The following MUC4 variants were observed in gnomAD, a reference collection of about 807,000 sequenced individuals.
MUC4 encodes mucin 4, cell surface associated, also known as mucin-4.
In MUC4, 202 loss-of-function variants were observed where a neutral mutation model predicts 257.9. The ratio of observed to expected loss-of-function variants is 0.78; its 90% CI spans 0.70 to 0.88. The LOEUF is 0.88. Among genes scored for constraint, MUC4 ranks in the 40% least tolerant of loss-of-function variants. MUC4 has a pLI of 0.00. For missense variants in MUC4, 5,976 were observed against 6,513.7 expected (o/e 0.92, Z 2.84); for synonymous variants, 2,351 against 2,757.1 (o/e 0.85, Z 4.62).
rs774989085 is a variant in MUC4, at chr3:195,765,438, G to A, written c.13630C>T (p.Leu4544=). 1.9e-6 allele frequency: 3 copies of A among 1,612,314 alleles called. No individual in the cohort carries two copies. In the South Asian group the frequency reaches 3.3e-5, roughly 18 times the overall value. The part of the protein sequence containing the change: ...FLNSNSGLQG[L]QFYRLHREER... The stretch of plus-strand genomic sequence containing the variant: ...TCCCGGTGTAGCCTGTAGAACTGCA[G>A]CCCTTGGAGGCCTGAGGTCGGGGAT... The change falls in exon 9 of 25, where the codon CTG becomes TTG. Residue 4544 remains leucine (L), a synonymous_variant. Coordinates refer to ENST00000463781, the MANE Select transcript of MUC4 (RefSeq NM_018406.7).
chr3:195,809,141 C>T (rs1736373075), intron 1 of MUC4, among the ~76,000 whole-genome samples: 1 of 152,238 alleles, frequency 6.6e-6, no homozygotes, highest in African/African-American at 2.4e-5. Flanking sequence ...TCCATCTGTC[C>T]TTGTCTAGCC....
At chr3:195,767,624 C>CCACCACCACCATCAT (rs1721284031) in intron 7 of MUC4, among the ~76,000 whole-genome samples, 1 of 94,224 alleles carries the variant, frequency 1.1e-5, no homozygotes, top group Non-Finnish European at 2.4e-5. Flanking sequence ...ACCACCATCA[C>CCACCACCACCATCAT]CACCATCACC....
At chr3:195,766,777 C>T in intron 7 of MUC4, 26 bp from the exon 8 acceptor site, 1 of 1,606,002 alleles carries the variant, frequency 6.2e-7, no homozygotes, top group South Asian at 1.1e-5. Flanking sequence ...GACTCTCAGG[C>T]CTCTGCCGTG....
At chr3:195,767,898 T>TCACCACCATCAC (rs1721850518) in intron 7 of MUC4, among the ~76,000 whole-genome samples, 1 of 75,078 alleles carries the variant, frequency 1.3e-5, no homozygotes. Context: ...ACCACCACCA[T>TCACCACCATCAC]CACCACCATC....
Position 195,785,408 on chromosome 3 carries a change from A to T in MUC4, c.6172T>A (p.Ser2058Thr). Reference protein sequence around the residue: ...PLPVTSLSSVSTGDTTPLPVT... With the variant: ...PLPVTSLSSVTTGDTTPLPVT... ...GGAAGAGGCGTGGTGTCACCTGTGG[A>T]TACTGAGGAAAGGCTGGTGACAGGA... is the stretch of plus-strand genomic sequence containing the variant. The change falls in exon 2 of 25, where the codon TCC (serine) becomes ACC (threonine). Residue 2058 changes from serine (S) to threonine (T), a missense_variant. By Grantham distance (58) the Ser-to-Thr change is moderately conservative. This residue lies in a region of MUC4 where 85 missense variants were observed against 325.0 expected (regional missense o/e 0.26). Coordinates refer to ENST00000463781, the MANE Select transcript of MUC4 (RefSeq NM_018406.7). 6.6e-7 allele frequency: 1 copy of T among 1,510,664 alleles called. No homozygotes were observed. Among genetic ancestry groups the T allele is most frequent in the Middle Eastern group, 2.3e-4 (1 of 4,298 alleles). The allele number at this position is 1,510,664 out of a possible 1,614,324, so 93.6% of individuals were successfully genotyped here.
In MUC4 at chr3:195,754,763, TATG is replaced by T. The variant is rs1717183180; in HGVS notation, c.15169-394_15169-392del. 9.2e-5 allele frequency among the ~76,000 whole-genome samples: 14 copies of T among 152,370 alleles called. No individual in the cohort carries two copies. In the East Asian group the frequency reaches 1.2e-3, roughly 13 times the overall value. ...GTATAGATGTATGTATCCATGTATGTATGTATCCATGTATGTATGTGTGTATCC... is the reference window on the plus strand; with the variant it reads ...GTATAGATGTATGTATCCATGTATGTTATCCATGTATGTATGTGTGTATCC... On this transcript the variant is annotated intron_variant, in intron 18 of 24. Coordinates refer to ENST00000463781, the MANE Select transcript of MUC4 (RefSeq NM_018406.7).
chr3:195,789,909 T>A lies in MUC4; in HGVS notation c.1671A>T (p.Lys557Asn). 3.1e-6 allele frequency: 5 copies of A among 1,613,910 alleles called. No homozygotes were observed. The highest frequency in any genetic ancestry group is 4.2e-6 in the Non-Finnish European group (5 of 1,179,852). The stretch of plus-strand genomic sequence containing the variant: ...GTGTCTGGGCGCCTGCCCCTGTTGT[T>A]TTTGGGAGAGTTGTGCTGTGGGAGG... ...TYSSHSTTLP[K>N]TTGAGAQTQW... The change falls in exon 2 of 25, where the codon AAA becomes AAT. Residue 557 changes from lysine to asparagine, a missense_variant. By Grantham distance (94) the Lys-to-Asn change is moderately conservative. Transcript: ENST00000463781.
At chr3:195,804,978 C>T (rs897361945) in intron 1 of MUC4, among the ~76,000 whole-genome samples, 2 of 152,234 alleles carry the variant, frequency 1.3e-5, no homozygotes, top group Non-Finnish European at 2.9e-5. Flanking sequence ...TCGTACACAT[C>T]TGTGGAATAC....
Position 195,747,031 on chromosome 3 carries a change from C to T in MUC4, c.*145G>A. 1.7e-6 allele frequency: 2 copies of T among 1,186,330 alleles called. No homozygotes were observed. Among genetic ancestry groups the T allele is most frequent in the Non-Finnish European group, 1.2e-6 (1 of 829,692 alleles). 73.5% of individuals were successfully genotyped at this position (1,186,330 alleles called of 1,614,324 possible). A position where few individuals can be genotyped will look rare whatever the true frequency, so the allele number is the denominator to read the frequency against. ...GCCTATGGATAAGGTATAGTCTTGT[C>T]TTGATTCCCAGTATTCATTCTCCTT... On this transcript the variant is annotated 3_prime_UTR_variant, in exon 25 of 25. Coordinates refer to ENST00000463781, the MANE Select transcript of MUC4 (RefSeq NM_018406.7).
At chr3:195,767,621 T>C (rs868721429) in intron 7 of MUC4, among the ~76,000 whole-genome samples, 101 of 27,174 alleles carry the variant, frequency 3.7e-3, no homozygotes, top group South Asian at 0.026. Flanking sequence ...GCCACCACCA[T>C]CACCACCATC....
At position 195,765,107 on chromosome 3, in the gene MUC4, C is replaced by T; in HGVS notation, c.13814G>A (p.Gly4605Asp). The T allele has an allele frequency of 6.2e-7, 1 of 1,613,110 alleles. No individual in the cohort carries two copies. Among genetic ancestry groups the T allele is most frequent in the African/African-American group, 1.3e-5 (1 of 75,034 alleles). ...GGTGAAGCTGCACAGCTGCCTACTG[C>T]CGAGGCCCCAGCGACCTGAAACAAG... ...QPVSIGRWGLGSRQLCSFTSW... is the reference protein window; with the variant it reads ...QPVSIGRWGLDSRQLCSFTSW... Residue 4605 changes from glycine (G) to aspartate (D), a missense_variant, in exon 10 of 25, where the codon GGC becomes GAC. By Grantham distance (94) the Gly-to-Asp change is moderately conservative. This residue lies in a region of MUC4 where 996 missense variants were observed against 1,137.3 expected (regional missense o/e 0.88). Coordinates refer to ENST00000463781, the MANE Select transcript of MUC4 (RefSeq NM_018406.7).
At chr3:195,802,330 G>A (rs966248602) in intron 1 of MUC4, among the ~76,000 whole-genome samples, 12 of 147,908 alleles carry the variant, frequency 8.1e-5, no homozygotes, top group East Asian at 2.0e-4. Context: ...CATCCTCCCC[G>A]TCGCTTTGAC....
In MUC4 at chr3:195,785,514, A is replaced by C. The variant is rs1365397139; in HGVS notation, c.6066T>G (p.Leu2022=). 1 of 1,519,674 alleles carries C rather than the reference A, an allele frequency of 6.6e-7. No individual in the cohort carries two copies. Among genetic ancestry groups the C allele is most frequent in the South Asian group, 1.2e-5 (1 of 83,320 alleles). 94.1% of individuals were successfully genotyped at this position (1,519,674 alleles called of 1,614,324 possible). A position where few individuals can be genotyped will look rare whatever the true frequency, so the allele number is the denominator to read the frequency against. ...TGGTGTCACCAGTGGATGCTGAGGAAAGGCTGGTGACAGGAAGAGGGGTGG... is the reference window on the plus strand; with the variant it reads ...TGGTGTCACCAGTGGATGCTGAGGACAGGCTGGTGACAGGAAGAGGGGTGG... ...GQATPLPVTS[L]SSASTGDTTP... is the part of the protein sequence containing the mutation. Residue 2022 remains leucine (L), a synonymous_variant, in exon 2 of 25, where the codon CTT becomes CTG. Transcript: ENST00000463781.
In MUC4 at chr3:195,746,862, G is replaced by T; in HGVS notation, c.*314C>A. On this transcript the variant is annotated 3_prime_UTR_variant, in exon 25 of 25. Coordinates refer to ENST00000463781, the MANE Select transcript of MUC4 (RefSeq NM_018406.7). ...GTGCAGAAGCATTTTGCTTAACTTA[G>T]GGCCATCACCACATTATGAACTCGT... 2.2e-6 allele frequency: 1 copy of T among 444,598 alleles called. No individual in the cohort carries two copies. Among genetic ancestry groups the T allele is most frequent in the Non-Finnish European group, 4.0e-6 (1 of 251,562 alleles). The allele number at this position is 444,598 out of a possible 1,614,324, so 27.5% of individuals were successfully genotyped here.
chr3:195,774,378 A>C, intron 3 of MUC4, 73 bp from the exon 4 acceptor site: 1 of 1,462,052 alleles, frequency 6.8e-7, no homozygotes, highest in Non-Finnish European at 9.0e-7. Context: ...GGGATCCCAG[A>C]GCGCTCCCTG....
chr3:195,750,695 ACGT>A lies in MUC4; in HGVS notation c.15871+191_15871+193del, dbSNP rs1716217056. 2.1e-5 allele frequency: 13 copies of A among 611,618 alleles called. No individual in the cohort carries two copies. In the South Asian group the frequency reaches 2.6e-4, roughly 12 times the overall value. The allele number at this position is 611,618 out of a possible 1,614,324, so 37.9% of individuals were successfully genotyped here. On this transcript the variant is annotated intron_variant, in intron 23 of 24. Coordinates refer to ENST00000463781, the MANE Select transcript of MUC4 (RefSeq NM_018406.7). ...GGGTGCTTGCTCCGTGAAGCTGTAT[ACGT>A]GTGACTGCCTCAGCAGTGCTGGCTG... is the stretch of plus-strand genomic sequence containing the variant.
intron 18 of MUC4, among the ~76,000 whole-genome samples, chr3:195,754,886 T>C (rs1375531528): frequency 1.6e-5 from 1 of 62,470 alleles, no homozygotes; most frequent in Non-Finnish European, 4.4e-5. Context: ...TGTATCCATG[T>C]ATGTATCCAT....
At chr3:195,769,349 G>A (rs112916668) in intron 6 of MUC4, 197 bp from the exon 7 acceptor site, 26 of 672,634 alleles carry the variant, frequency 3.9e-5, no homozygotes, top group Admixed American at 2.1e-4. Context: ...GGGTGCGAAC[G>A]CACTTACCAC....
chr3:195,808,982 C>T lies in MUC4; in HGVS notation c.82+2754G>A, dbSNP rs1228719845. On this transcript the variant is annotated intron_variant, in intron 1 of 24. Coordinates refer to ENST00000463781, the MANE Select transcript of MUC4 (RefSeq NM_018406.7). ...CCCTCCCCTGCCTGCCCTGCACTTG[C>T]TCCAGCCTGTCACCTCCCTGGGGTC... is the stretch of plus-strand genomic sequence containing the variant. Among the ~76,000 whole-genome samples the T allele has an allele frequency of 2.0e-5, 3 of 152,202 alleles. No individual in the cohort carries two copies. The East Asian group carries it at 5.8e-4, about 29-fold the overall frequency.
Sources: allele counts gnomAD v4.1 joint callset (sites outside exome capture counted in the v4.1 genomes callset), GRCh38; gene constraint gnomAD v4.1.1; regional missense constraint gnomAD v4.1.1; transcripts MANE v1.5; gene names NCBI Gene and HGNC (gene_info 2026-07-23, HGNC 2026-07-21).